The following FMN2 variants were observed in gnomAD, a reference collection of about 807,000 sequenced individuals.
The protein encoded by FMN2 is formin-2.
In FMN2, 51 loss-of-function variants were observed where a neutral mutation model predicts 142.3. The observed-to-expected ratio is 0.36, with a 90% CI of 0.29 to 0.45. The LOEUF (loss-of-function observed/expected upper bound fraction) is 0.45. Among genes scored for constraint, FMN2 ranks in the 20% least tolerant of loss-of-function variants. The pLI is 1.00. For missense variants in FMN2, 1,936 were observed against 2,122.8 expected (o/e 0.91, Z 1.73); for synonymous variants, 882 against 869.8 (o/e 1.01, Z -0.25).
intron 13 of FMN2, among the ~76,000 whole-genome samples, chr1:240,343,037 G>A (rs1671793847): frequency 6.6e-6 from 1 of 152,078 alleles, no homozygotes; most frequent in African/African-American, 2.4e-5. Flanking sequence ...GTGACCATTT[G>A]GACTTTGATT....
chr1:240,203,408 C>A (rs1365685253), intron 4 of FMN2, among the ~76,000 whole-genome samples: 3 of 152,108 alleles, frequency 2.0e-5, no homozygotes, highest in African/African-American at 2.4e-5. Context: ...TGGAGTCAAC[C>A]CAGTTGCCCA....
chr1:240,321,448 T>C (rs1175759264), intron 8 of FMN2, among the ~76,000 whole-genome samples: 1 of 152,226 alleles, frequency 6.6e-6, no homozygotes, highest in Admixed American at 6.5e-5. Context: ...TTTTTAGTAA[T>C]CCAAAATGAC....
rs1661022851 is a variant in FMN2 at position 240,092,568 on chromosome 1, G to C, written c.459G>C (p.Arg153Ser). The part of the protein sequence containing the change: ...GPGGPGPAEA[R>S]VGGRPIAEDV... ...GGGGTCCTGGGCCTGCCGAGGCTAG[G>C]GTCGGGGGCCGGCCGATCGCCGAGG... The change falls in exon 1 of 18, where the codon AGG becomes AGC. Residue 153 changes from arginine to serine, a missense_variant. Around this residue, in one of 8 missense-constraint regions of FMN2, gnomAD observed 751 missense variants for 791.8 expected, o/e 0.95. Transcript: ENST00000319653. 1 of 1,613,446 alleles carries C rather than the reference G, an allele frequency of 6.2e-7. No individual in the cohort carries two copies. The highest frequency in any genetic ancestry group is 1.3e-5 in the African/African-American group (1 of 74,912).
chr1:240,122,083 T>TAATTA (rs1486236247), intron 1 of FMN2, among the ~76,000 whole-genome samples: 2 of 142,598 alleles, frequency 1.4e-5, no homozygotes, highest in Non-Finnish European at 3.0e-5. Flanking sequence ...TTAATTTATT[T>TAATTA]ATTTATTTAT....
intron 3 of FMN2, among the ~76,000 whole-genome samples, chr1:240,183,561 A>G (rs1470225637): frequency 6.6e-6 from 1 of 150,890 alleles, no homozygotes; most frequent in East Asian, 1.9e-4. Flanking sequence ...ACATGTATAT[A>G]TACACACACA....
At chr1:240,157,554 T>G (rs1308207647) in intron 2 of FMN2, among the ~76,000 whole-genome samples, 1 of 150,896 alleles carries the variant, frequency 6.6e-6, no homozygotes, top group Non-Finnish European at 1.5e-5. Flanking sequence ...CTTTTTTAAT[T>G]TAGAAGGGAA....
At position 240,214,289 on chromosome 1, in the gene FMN2, C is replaced by T. The variant is rs376006760; in HGVS notation, c.4065+3054C>T. Among the ~76,000 whole-genome samples, 23 of 152,154 alleles carry T rather than the reference C, an allele frequency of 1.5e-4. No individual in the cohort carries two copies. In the East Asian group the frequency reaches 1.7e-3, roughly 12 times the overall value. ...GATCTTGGCCGGGTGTGGTGGCTCA[C>T]GCCTGTAATCCCAGCACTTTCAGAG... On this transcript the variant is annotated intron_variant, in intron 6 of 17. Coordinates refer to ENST00000319653, the MANE Select transcript of FMN2 (RefSeq NM_020066.5).
At chr1:240,148,336 A>C (rs1411004391) in intron 2 of FMN2, among the ~76,000 whole-genome samples, 1 of 139,570 alleles carries the variant, frequency 7.2e-6, no homozygotes. Context: ...AGAGACAGAC[A>C]GATAAAGAGA....
intron 6 of FMN2, among the ~76,000 whole-genome samples, chr1:240,215,872 C>T (rs368784037): frequency 4.6e-5 from 7 of 152,232 alleles, no homozygotes; most frequent in South Asian, 4.2e-4. Flanking sequence ...CCGTGACCAG[C>T]TAATTTTTGT....
At chr1:240,368,527 A>G (rs990878681) in intron 14 of FMN2, among the ~76,000 whole-genome samples, 1 of 152,136 alleles carries the variant, frequency 6.6e-6, no homozygotes, top group Non-Finnish European at 1.5e-5. Context: ...AAATTCAAAT[A>G]GCTTACATCT....
intron 15 of FMN2, among the ~76,000 whole-genome samples, chr1:240,432,045 T>A (rs1675197083): frequency 6.6e-6 from 1 of 151,998 alleles, no homozygotes. Context: ...AGTGTAAGAT[T>A]GGCTTTATTT....
chr1:240,178,985 G>A (rs1392314395), intron 3 of FMN2, among the ~76,000 whole-genome samples: 1 of 152,122 alleles, frequency 6.6e-6, no homozygotes, highest in Non-Finnish European at 1.5e-5. Flanking sequence ...TAGTAGAAGA[G>A]CATAACTTAA....
At chr1:240,369,432 G>A (rs1268870288) in intron 14 of FMN2, among the ~76,000 whole-genome samples, 2 of 151,634 alleles carry the variant, frequency 1.3e-5, no homozygotes, top group African/African-American at 4.8e-5. Flanking sequence ...TTCATTTTTG[G>A]TTTACATTTA....
chr1:240,467,280 T>TA (rs1048595940), intron 16 of FMN2, among the ~76,000 whole-genome samples: 1 of 148,540 alleles, frequency 6.7e-6, no homozygotes, highest in Non-Finnish European at 1.5e-5. Flanking sequence ...ATCGTTCCTT[T>TA]TTTTTTTTTT....
intron 2 of FMN2, among the ~76,000 whole-genome samples, chr1:240,163,515 C>T (rs1272070588): frequency 2.6e-5 from 4 of 152,254 alleles, no homozygotes; most frequent in African/African-American, 7.2e-5. Flanking sequence ...TATAGCTATA[C>T]TTGCCTTCTT....
intron 9 of FMN2, 21 bp downstream of exon 9, chr1:240,329,188 C>T (rs762854774): frequency 6.2e-6 from 10 of 1,613,138 alleles, no homozygotes; most frequent in East Asian, 2.2e-5. Context: ...CTTATAACCA[C>T]GTAGAGGGCG....
intron 8 of FMN2, among the ~76,000 whole-genome samples, chr1:240,313,087 A>G (rs75567207): frequency 0.041 from 6,226 of 152,210 alleles, 187 homozygotes; most frequent in Non-Finnish European, 0.059. Context: ...CTATTGCAAC[A>G]TTTGCTTTTT....
intron 4 of FMN2, among the ~76,000 whole-genome samples, chr1:240,192,657 AT>A (rs1188827626): frequency 6.6e-6 from 1 of 152,136 alleles, no homozygotes; most frequent in Admixed American, 6.5e-5. Flanking sequence ...GTGTCTAATC[AT>A]TCTTAGGTCC....
chr1:240,329,781 A>C (rs1671318454), intron 10 of FMN2, among the ~76,000 whole-genome samples: 1 of 148,360 alleles, frequency 6.7e-6, no homozygotes, highest in Non-Finnish European at 1.5e-5. Context: ...TCAGACTTCC[A>C]AAGGAATGTA....
Sources: allele counts gnomAD v4.1 joint callset (sites outside exome capture counted in the v4.1 genomes callset), GRCh38; gene constraint gnomAD v4.1.1; regional missense constraint gnomAD v4.1.1; transcripts MANE v1.5; gene names NCBI Gene and HGNC (gene_info 2026-07-23, HGNC 2026-07-21).